LIN52: variants seen among roughly 807,000 people sequenced by gnomAD.
The protein encoded by LIN52 is lin-52 DREAM MuvB core complex component, also known as protein lin-52 homolog.
A neutral mutation model predicts 18.5 loss-of-function variants in LIN52; 4 were observed. That is an observed-to-expected ratio of 0.22 (90% CI 0.11 to 0.49). The LOEUF is 0.49. LIN52 is among the 20% of genes least tolerant of loss of function. The probability of loss-of-function intolerance (pLI) is 0.97; values close to 1 mark genes in which losing one functional copy is unlikely to be tolerated. For synonymous variants in LIN52, 34 were observed against 45.5 expected, an observed-to-expected ratio of 0.75 and a Z score of 1.02; for missense variants, 102 against 139.5, an observed-to-expected ratio of 0.73 and a Z score of 1.35.
At chr14:74,170,074 C>A (rs1326530189) in intron 5 of LIN52, among the ~76,000 whole-genome samples, 1 of 152,070 alleles carries the variant, frequency 6.6e-6, no homozygotes, top group Non-Finnish European at 1.5e-5. Flanking sequence ...ATTAGAATAA[C>A]GTGGACAGGA....
chr14:74,091,940 C>T (rs750747027), intron 2 of LIN52, among the ~76,000 whole-genome samples: 2 of 152,042 alleles, frequency 1.3e-5, no homozygotes, highest in Non-Finnish European at 2.9e-5. Context: ...GTTCAGAACA[C>T]AGTGTGACTC....
At chr14:74,103,954 A>G (rs934617895) in intron 5 of LIN52, among the ~76,000 whole-genome samples, 28 of 148,734 alleles carry the variant, frequency 1.9e-4, no homozygotes, top group South Asian at 6.3e-4. Flanking sequence ...GTTGAAGTGC[A>G]GTGGCGCGAT....
At chr14:74,159,557 T>G (rs1263565408) in intron 5 of LIN52, among the ~76,000 whole-genome samples, 1 of 130,596 alleles carries the variant, frequency 7.7e-6, no homozygotes, top group African/African-American at 2.9e-5. Context: ...AGTCCTCATA[T>G]GTGGGGTTTG....
At chr14:74,163,009 A>G (rs1022139752) in intron 5 of LIN52, among the ~76,000 whole-genome samples, 1 of 152,188 alleles carries the variant, frequency 6.6e-6, no homozygotes, top group Admixed American at 6.5e-5. Flanking sequence ...TAAGTAAGAA[A>G]ATGGAAACAT....
chr14:74,140,039 A>G (rs1346548932), intron 5 of LIN52, among the ~76,000 whole-genome samples: 2 of 151,630 alleles, frequency 1.3e-5, no homozygotes, highest in African/African-American at 4.9e-5. Context: ...TAAAGCCACA[A>G]TAGCTTTATT....
intron 1 of LIN52, among the ~76,000 whole-genome samples, chr14:74,090,717 T>C (rs1701543558): frequency 6.6e-6 from 1 of 152,194 alleles, no homozygotes; most frequent in Admixed American, 6.6e-5. Context: ...AAAGAGTTAC[T>C]TATTTTGTAA....
chr14:74,180,422 T>C (rs2884497), intron 5 of LIN52, among the ~76,000 whole-genome samples: 123,502 of 151,502 alleles, frequency 0.82, 50,547 homozygotes, highest in Admixed American at 0.83. Context: ...CCTGCCACCA[T>C]GCCCAGCTAA....
At chr14:74,094,990 T>A (rs146058773) in intron 2 of LIN52, among the ~76,000 whole-genome samples, 12 of 150,346 alleles carry the variant, frequency 8.0e-5, no homozygotes, top group African/African-American at 2.4e-4. Context: ...AATTATATAT[T>A]TTTTTTAGAG....
At position 74,185,309 on chromosome 14, in the gene LIN52, C is replaced by CTTTTTTTTTTT. The variant is rs71115969; in HGVS notation, c.284-13600_284-13590dup. On this transcript the variant is annotated intron_variant, in intron 5 of 5. Coordinates refer to ENST00000555028, the MANE Select transcript of LIN52 (RefSeq NM_001024674.3). ...AATATATTTGATTTTATAATGATTT[C>CTTTTTTTTTTT]TTTTTTTTTTTTTTTTTTTTTTTGA... is the stretch of plus-strand genomic sequence containing the variant. 5.7e-4 allele frequency among the ~76,000 whole-genome samples: 45 copies of CTTTTTTTTTTT among 78,788 alleles called. 4 individuals carry two copies. The highest frequency in any genetic ancestry group is 1.6e-3 in the East Asian group (4 of 2,450). The allele number at this position is 78,788 out of a possible 152,430, so 51.7% of individuals were successfully genotyped here.
intron 5 of LIN52, among the ~76,000 whole-genome samples, chr14:74,153,449 T>C (rs1313160671): frequency 6.6e-6 from 1 of 152,218 alleles, no homozygotes. Context: ...ATTTTTGCTA[T>C]TCATATTAGG....
At chr14:74,137,153 T>C (rs1453098164) in intron 5 of LIN52, among the ~76,000 whole-genome samples, 1 of 130,624 alleles carries the variant, frequency 7.7e-6, no homozygotes, top group Non-Finnish European at 1.6e-5. Context: ...ATTTTATATA[T>C]GAATATATAT....
At chr14:74,147,600 C>A (rs886457424) in intron 5 of LIN52, among the ~76,000 whole-genome samples, 4 of 152,188 alleles carry the variant, frequency 2.6e-5, no homozygotes, top group African/African-American at 9.7e-5. Flanking sequence ...TCCAAATGTT[C>A]ATTGACAGGT....
intron 5 of LIN52, among the ~76,000 whole-genome samples, chr14:74,135,821 T>G (rs1035234006): frequency 2.6e-4 from 10 of 38,666 alleles, no homozygotes; most frequent in Middle Eastern, 0.014. Flanking sequence ...AACAGGGAGT[T>G]TTTTTTTTTT....
intron 5 of LIN52, among the ~76,000 whole-genome samples, chr14:74,147,212 C>T (rs1040056947): frequency 2.0e-5 from 3 of 152,040 alleles, no homozygotes; most frequent in Non-Finnish European, 4.4e-5. Flanking sequence ...GACCCGAGAT[C>T]GCACCATTGC....
intron 5 of LIN52, among the ~76,000 whole-genome samples, chr14:74,132,446 T>G (rs1254401387): frequency 6.6e-5 from 10 of 152,330 alleles, no homozygotes; most frequent in African/African-American, 2.4e-4. Context: ...TCAAGGACCA[T>G]CTTATGCTTA....
chr14:74,098,578 G>T (rs2060831482), intron 4 of LIN52, among the ~76,000 whole-genome samples: 2 of 143,232 alleles, frequency 1.4e-5, no homozygotes, highest in African/African-American at 5.2e-5. Context: ...ACGGAGTCTC[G>T]CTTTTGTTGC....
At chr14:74,134,935 T>A (rs1177220189) in intron 5 of LIN52, among the ~76,000 whole-genome samples, 1 of 152,202 alleles carries the variant, frequency 6.6e-6, no homozygotes, top group African/African-American at 2.4e-5. Flanking sequence ...TTAAGAGAAG[T>A]CCTTTCTAAG....
At chr14:74,179,645 G>T (rs1370472272) in intron 5 of LIN52, among the ~76,000 whole-genome samples, 1 of 128,524 alleles carries the variant, frequency 7.8e-6, no homozygotes, top group African/African-American at 2.9e-5. Context: ...GACAGAGTGA[G>T]ACTCCATCTC....
chr14:74,104,308 A>G (rs764413424), intron 5 of LIN52, among the ~76,000 whole-genome samples: 2 of 152,188 alleles, frequency 1.3e-5, no homozygotes, highest in African/African-American at 2.4e-5. Context: ...AGATTTCTGT[A>G]GTTGACTCAT....
Sources: allele counts gnomAD v4.1 joint callset (sites outside exome capture counted in the v4.1 genomes callset), GRCh38; gene constraint gnomAD v4.1.1; transcripts MANE v1.5; gene names NCBI Gene and HGNC (gene_info 2026-07-23, HGNC 2026-07-21).